Variants in CADM2 observed in about 807,000 individuals in gnomAD.
The protein encoded by CADM2 is immunoglobulin superfamily member 4D.
In CADM2, 12 loss-of-function variants were observed where a neutral mutation model predicts 49.8. The ratio of observed to expected loss-of-function variants is 0.24; its 90% confidence interval spans 0.15 to 0.39. CADM2 has a LOEUF of 0.39. CADM2 is among the 10% of genes least tolerant of loss of function. The pLI, the probability that CADM2 is intolerant of heterozygous loss-of-function variation, is 1.00. For synonymous variants in CADM2, 214 were observed against 175.4 expected (o/e 1.22, Z -1.74); for missense variants, 378 against 492.3 (o/e 0.77, Z 2.20).
intron 1 of CADM2, among the ~76,000 whole-genome samples, chr3:85,240,116 C>T (rs2042496786): frequency 6.6e-6 from 1 of 151,300 alleles, no homozygotes; most frequent in South Asian, 2.1e-4. Flanking sequence ...ACTTTGTTAC[C>T]AGATTCAAGT....
At chr3:85,817,343 CA>C (rs1706638971) in intron 3 of CADM2, among the ~76,000 whole-genome samples, 1 of 152,142 alleles carries the variant, frequency 6.6e-6, no homozygotes, top group Non-Finnish European at 1.5e-5. Flanking sequence ...AGAATAGCAG[CA>C]GTGCAAATCT....
chr3:85,853,266 G>A lies in CADM2; in HGVS notation c.239-30025G>A, dbSNP rs75169192. ...TAACCATTGTATATATATTAAAAGA[G>A]GCATTAGAAACCAAGGGGTGGGGGG... On this transcript the variant is annotated intron_variant, in intron 3 of 9. Transcript: ENST00000383699. Among the ~76,000 whole-genome samples the A allele has an allele frequency of 4.2e-3, 643 of 151,480 alleles. 1 individual carries two copies. Among genetic ancestry groups the A allele is most frequent in the African/African-American group, 0.014 (564 of 41,334 alleles).
At chr3:86,062,911 ATG>A (rs1055613719) in intron 8 of CADM2, among the ~76,000 whole-genome samples, 16 of 151,696 alleles carry the variant, frequency 1.1e-4, no homozygotes, top group African/African-American at 3.9e-4. Flanking sequence ...GGAGGCTTAC[ATG>A]TGTGAGGTAT....
At chr3:85,968,497 T>C (rs943779811) in intron 8 of CADM2, among the ~76,000 whole-genome samples, 15 of 151,786 alleles carry the variant, frequency 9.9e-5, no homozygotes, top group African/African-American at 3.1e-4. Context: ...GAAATAAATA[T>C]TTCTATGTGC....
intron 1 of CADM2, among the ~76,000 whole-genome samples, chr3:85,158,379 G>C (rs1240942780): frequency 3.3e-5 from 5 of 152,148 alleles, no homozygotes; most frequent in Admixed American, 3.3e-4. Flanking sequence ...CTGTTGTAAA[G>C]ACACATCCAC....
At chr3:85,157,335 A>T (rs999453837) in intron 1 of CADM2, among the ~76,000 whole-genome samples, 8 of 150,740 alleles carry the variant, frequency 5.3e-5, no homozygotes, top group Non-Finnish European at 1.2e-4. Context: ...ATTGGAAAAA[A>T]CTACTTTAAA....
intron 8 of CADM2, among the ~76,000 whole-genome samples, chr3:86,055,468 T>TG (rs1737819799): frequency 7.7e-6 from 1 of 129,942 alleles, no homozygotes; most frequent in Non-Finnish European, 1.6e-5. Context: ...TTTTTTTTTT[T>TG]TTTTTTTTTT....
At chr3:85,831,954 A>T (rs1300238566) in intron 3 of CADM2, among the ~76,000 whole-genome samples, 1 of 151,954 alleles carries the variant, frequency 6.6e-6, no homozygotes, top group Non-Finnish European at 1.5e-5. Flanking sequence ...TTATAGTTTT[A>T]GGCTTTACAT....
intron 1 of CADM2, among the ~76,000 whole-genome samples, chr3:85,239,874 C>T (rs2042490874): frequency 6.6e-6 from 1 of 151,200 alleles, no homozygotes; most frequent in African/African-American, 2.4e-5. Flanking sequence ...TATCAGTGCA[C>T]ACTGAAATTT....
intron 1 of CADM2, among the ~76,000 whole-genome samples, chr3:85,266,414 A>T (rs2043122202): frequency 6.6e-6 from 1 of 151,880 alleles, no homozygotes; most frequent in African/African-American, 2.4e-5. Flanking sequence ...ATAGATTCAG[A>T]CTGTGACAGA....
intron 8 of CADM2, chr3:86,013,650 G>A: frequency 6.2e-7 from 1 of 1,603,162 alleles, no homozygotes; most frequent in Non-Finnish European, 8.5e-7. Flanking sequence ...AGTGGACATA[G>A]CAGGGGAAGA....
chr3:85,059,476 G>C (rs1176867219), intron 1 of CADM2, among the ~76,000 whole-genome samples: 1 of 152,074 alleles, frequency 6.6e-6, no homozygotes, highest in Non-Finnish European at 1.5e-5. Context: ...GAGTAGACAA[G>C]TAAATCAAAG....
chr3:85,436,644 T>A (rs948290409), intron 1 of CADM2, among the ~76,000 whole-genome samples: 1 of 152,278 alleles, frequency 6.6e-6, no homozygotes, highest in Admixed American at 6.6e-5. Context: ...CCAGAATAAA[T>A]TTGAAAGTGA....
intron 5 of CADM2, among the ~76,000 whole-genome samples, chr3:85,903,624 G>T (rs1297934783): frequency 6.6e-6 from 1 of 152,096 alleles, no homozygotes; most frequent in African/African-American, 2.4e-5. Context: ...TGATTTGGAT[G>T]AGGTATTTCT....
At chr3:85,027,512 A>G (rs907501620) in intron 1 of CADM2, among the ~76,000 whole-genome samples, 1 of 152,098 alleles carries the variant, frequency 6.6e-6, no homozygotes, top group Non-Finnish European at 1.5e-5. Flanking sequence ...TTATCTTCTA[A>G]TAAACATCTT....
intron 1 of CADM2, among the ~76,000 whole-genome samples, chr3:85,179,480 T>C (rs1350784410): frequency 6.6e-6 from 1 of 151,962 alleles, no homozygotes; most frequent in African/African-American, 2.4e-5. Context: ...GTATTTGTGA[T>C]ATGTAGCAGG....
intron 5 of CADM2, among the ~76,000 whole-genome samples, chr3:85,904,310 C>G (rs1716507085): frequency 6.6e-6 from 1 of 152,136 alleles, no homozygotes; most frequent in African/African-American, 2.4e-5. Context: ...AGAAGAGAGT[C>G]CCAACCTTTC....
chr3:85,915,534 A>G (rs1467001720), intron 6 of CADM2, among the ~76,000 whole-genome samples: 3 of 152,108 alleles, frequency 2.0e-5, no homozygotes, highest in Non-Finnish European at 4.4e-5. Context: ...TATTAGAGCA[A>G]ATTGGTGTGA....
intron 6 of CADM2, among the ~76,000 whole-genome samples, chr3:85,926,915 C>A (rs550656447): frequency 2.0e-5 from 3 of 152,136 alleles, no homozygotes; most frequent in African/African-American, 7.2e-5. Flanking sequence ...ACATCAATTG[C>A]TAGTGTAGTC....
Sources: gnomAD v4.1 joint callset for allele counts (sites outside exome capture counted in the v4.1 genomes callset) on GRCh38, gnomAD v4.1.1 for gene constraint, MANE v1.5 for transcripts, NCBI Gene and HGNC (gene_info 2026-07-23, HGNC 2026-07-21) for gene names.